The following ZNF676 variants were observed in gnomAD, a reference collection of about 807,000 sequenced individuals.
The protein encoded by ZNF676 is zinc finger protein 676.
Under a neutral mutation model 6.0 loss-of-function variants are expected in ZNF676, and 4 were observed. The ratio of observed to expected loss-of-function variants is 0.67; its 90% CI spans 0.33 to 1.53. The LOEUF (loss-of-function observed/expected upper bound fraction) is 1.53, where lower values mean the gene tolerates loss of function less well. ZNF676 is among the 40% of genes most tolerant of loss of function. The pLI, the probability that ZNF676 is intolerant of heterozygous loss-of-function variation, is 0.06. For missense variants in ZNF676, 644 were observed against 679.7 expected (o/e 0.95, Z 0.58); for synonymous variants, 198 against 223.1 (o/e 0.89, Z 1.00).
At chr19:22,230,771 G>A in the ZNF676 span, among the ~76,000 whole-genome samples, 1 of 151,656 alleles carries the variant, frequency 6.6e-6, no homozygotes, top group Non-Finnish European at 1.5e-5. Flanking sequence ...TGATTCTCCT[G>A]CCTCAGCTTC....
upstream of ZNF676, among the ~76,000 whole-genome samples, chr19:22,219,748 C>A (rs536348963): frequency 6.6e-6 from 1 of 152,092 alleles, no homozygotes; most frequent in South Asian, 2.1e-4. Context: ...CTCCACCTCC[C>A]AGACTCAAGC....
At chr19:22,210,593 T>C (rs928192817) in intron 1 of ZNF676, among the ~76,000 whole-genome samples, 1 of 152,212 alleles carries the variant, frequency 6.6e-6, no homozygotes, top group African/African-American at 2.4e-5. Flanking sequence ...CTAGGATTAA[T>C]AAAATTCTCT....
the ZNF676 span, among the ~76,000 whole-genome samples, chr19:22,223,514 C>T: frequency 7.0e-6 from 1 of 142,882 alleles, no homozygotes; most frequent in Non-Finnish European, 1.5e-5. Context: ...AATAGGTCAC[C>T]TTTTTTTTTT....
chr19:22,258,018 A>G, the ZNF676 span, among the ~76,000 whole-genome samples: 1 of 152,180 alleles, frequency 6.6e-6, no homozygotes, highest in Admixed American at 6.5e-5. Context: ...GGACTGAAAA[A>G]AAGACTGGCC....
chr19:22,184,826 GAAAAAAAAAAAAAA>G (rs144833243), intron 2 of ZNF676, among the ~76,000 whole-genome samples: 1 of 52,682 alleles, frequency 1.9e-5, no homozygotes, highest in African/African-American at 8.0e-5. Context: ...GGGCATCTTT[GAAAAAAAAAAAAAA>G]AAAAAAAAAA....
Position 22,180,600 on chromosome 19 carries a change from C to T in ZNF676, c.1117G>A (p.Ala373Thr). 6.2e-7 allele frequency: 1 copy of T among 1,612,478 alleles called. No individual in the cohort carries two copies. Among genetic ancestry groups the T allele is most frequent in the Non-Finnish European group, 8.5e-7 (1 of 1,179,652 alleles). ...KPYKCEGCGK[A>T]FSKVSTLNTH... The stretch of plus-strand genomic sequence containing the variant: ...TTAAGGGTTGAGACCTTACTAAAGG[C>T]TTTGCCACATCCTTCACATTTGTAG... Residue 373 changes from alanine (A) to threonine (T), a missense_variant, in exon 3 of 3, where the codon GCC becomes ACC. Ala to Thr is a moderately conservative substitution (Grantham distance 58). This residue lies in a region of ZNF676 where 306 missense variants were observed against 265.4 expected (regional missense o/e 1.15). Transcript: ENST00000397121.
Position 22,180,505 on chromosome 19 carries a change from T to G in ZNF676, c.1212A>C (p.Ser404=), listed in dbSNP as rs112075209. Residue 404 remains serine (S), a synonymous_variant, in exon 3 of 3, where the codon TCA becomes TCC. Coordinates refer to ENST00000397121, the MANE Select transcript of ZNF676 (RefSeq NM_001001411.3). The part of the protein sequence containing the change: ...KCEECGKASN[S]SSKLMEHKRI... ...TCTTATGTTCCATGAGCTTTGAGGA[T>G]GAGTTGGAAGCTTTGCCACATTCTT... 4 of 1,506,078 alleles carry G rather than the reference T, an allele frequency of 2.7e-6. No individual in the cohort carries two copies. The highest frequency in any genetic ancestry group is 3.6e-6 in the Non-Finnish European group (4 of 1,102,566). 93.3% of individuals were successfully genotyped at this position (1,506,078 alleles called of 1,614,324 possible).
intron 2 of ZNF676, among the ~76,000 whole-genome samples, chr19:22,182,970 A>G (rs1414646996): frequency 2.0e-5 from 3 of 152,160 alleles, no homozygotes; most frequent in African/African-American, 7.2e-5. Context: ...ATACAACATA[A>G]ATAGATAAAC....
rs187511814 is a variant in ZNF676, at chr19:22,179,706, T to C, written c.*244A>G. 441 of 730,230 alleles carry C rather than the reference T, an allele frequency of 6.0e-4. No homozygotes were observed. Among genetic ancestry groups the C allele is most frequent in the Non-Finnish European group, 7.2e-5 (29 of 400,898 alleles). 45.2% of individuals were successfully genotyped at this position (730,230 alleles called of 1,614,324 possible). ...TATCACATTCTTCGCATTTGTAGGG[T>C]TTCTCTCCAGTATGAATTCTCTTAT... On this transcript the variant is annotated 3_prime_UTR_variant, in exon 3 of 3. Transcript: ENST00000397121.
the ZNF676 span, among the ~76,000 whole-genome samples, chr19:22,242,256 A>G: frequency 2.0e-5 from 3 of 151,894 alleles, no homozygotes; most frequent in South Asian, 4.2e-4. Flanking sequence ...TAAAATCACA[A>G]TCATTTTTGA....
the ZNF676 span, among the ~76,000 whole-genome samples, chr19:22,247,688 G>A: frequency 6.6e-6 from 1 of 152,188 alleles, no homozygotes; most frequent in African/African-American, 2.4e-5. Flanking sequence ...AGGAGGCTGA[G>A]GCAGGAGAAT....
chr19:22,180,485 T>G lies in ZNF676; in HGVS notation c.1232A>C (p.His411Pro). ...ASNSSSKLME[H>P]KRIHTGEKPY... ...TTTCTCTCCAGTATGAATTCTCTTATGTTCCATGAGCTTTGAGGATGAGTT... is the reference window on the plus strand; with the variant it reads ...TTTCTCTCCAGTATGAATTCTCTTAGGTTCCATGAGCTTTGAGGATGAGTT... Residue 411 changes from histidine (H) to proline (P), a missense_variant, in exon 3 of 3, where the codon CAT (histidine) becomes CCT (proline). This residue lies in a region of ZNF676 where 306 missense variants were observed against 265.4 expected (regional missense o/e 1.15). Coordinates refer to ENST00000397121, the MANE Select transcript of ZNF676 (RefSeq NM_001001411.3). 6.2e-7 allele frequency: 1 copy of G among 1,607,720 alleles called. No individual in the cohort carries two copies. Among genetic ancestry groups the G allele is most frequent in the Non-Finnish European group, 8.5e-7 (1 of 1,177,934 alleles).
the ZNF676 span, among the ~76,000 whole-genome samples, chr19:22,223,841 T>C: frequency 3.9e-5 from 6 of 152,020 alleles, no homozygotes; most frequent in Non-Finnish European, 7.4e-5. Flanking sequence ...TGCAGACTTT[T>C]TTTTTAATTT....
the ZNF676 span, among the ~76,000 whole-genome samples, chr19:22,253,485 C>CCT: frequency 8.4e-6 from 1 of 119,560 alleles, no homozygotes; most frequent in Non-Finnish European, 1.7e-5. Context: ...TGATAATTTG[C>CCT]ATATATATAT....
At chr19:22,245,014 A>G in the ZNF676 span, 3 of 152,168 alleles carry the variant, frequency 2.0e-5, no homozygotes, top group Admixed American at 2.0e-4. Flanking sequence ...ACAATACACA[A>G]TAAATGCAGG....
the ZNF676 span, among the ~76,000 whole-genome samples, chr19:22,254,202 TA>T: frequency 3.7e-4 from 56 of 152,164 alleles, no homozygotes; most frequent in African/African-American, 1.3e-3. Flanking sequence ...AATCCCCTCT[TA>T]AAGCAGAGTA....
the ZNF676 span, among the ~76,000 whole-genome samples, chr19:22,252,557 G>C: frequency 6.6e-6 from 1 of 152,190 alleles, no homozygotes; most frequent in Admixed American, 6.5e-5. Context: ...GGGTACAGCA[G>C]TATGTCCCAA....
chr19:22,215,695 T>C (rs1371931807), exon 1 of ZNF676: 11 of 1,585,722 alleles, frequency 6.9e-6, no homozygotes, highest in African/African-American at 5.4e-5. Context: ...CTGCAGGTCA[T>C]AGGGCCACAG....
chr19:22,221,915 T>TTTTG, the ZNF676 span, among the ~76,000 whole-genome samples: 7 of 152,262 alleles, frequency 4.6e-5, no homozygotes, highest in South Asian at 4.1e-4. Context: ...GACCATTGTT[T>TTTTG]TTTGTTTGTT....
Sources: gnomAD v4.1 joint callset for allele counts (sites outside exome capture counted in the v4.1 genomes callset) on GRCh38, gnomAD v4.1.1 for gene constraint, gnomAD v4.1.1 regional missense constraint, MANE v1.5 for transcripts, NCBI Gene and HGNC (gene_info 2026-07-23, HGNC 2026-07-21) for gene names.